The following GALNT17 variants were observed in gnomAD, a reference collection of about 807,000 sequenced individuals.
GALNT17 encodes UDP-GalNAc:polypeptide N-acetylgalactosaminyltransferase-like 3.
A neutral mutation model predicts 63.7 loss-of-function variants in GALNT17; 29 were observed. The ratio of observed to expected loss-of-function variants is 0.46; its 90% CI spans 0.34 to 0.62. The LOEUF is 0.62. Ranked by LOEUF, GALNT17 falls within the 20% of genes least tolerant of loss-of-function variation. The pLI, the probability that GALNT17 is intolerant of heterozygous loss-of-function variation, is 0.01. For missense variants in GALNT17, 603 were observed against 799.6 expected, an observed-to-expected ratio of 0.75 and a Z score of 2.97; for synonymous variants, 305 against 318.3, an observed-to-expected ratio of 0.96 and a Z score of 0.45.
rs527929802 is a variant in GALNT17, at chr7:71,605,584, CAA to C, written c.1080+34196_1080+34197del. On this transcript the variant is annotated intron_variant, in intron 6 of 10. Coordinates refer to ENST00000333538, the MANE Select transcript of GALNT17 (RefSeq NM_022479.3). ...CTGGCGACAGAGTGAGACTCCATCT[CAA>C]AAAAAAAAAAAAAGAAAGGTGAAGA... Among the ~76,000 whole-genome samples, 40 of 93,854 alleles carry C rather than the reference CAA, an allele frequency of 4.3e-4. 1 individual carries two copies. The South Asian group carries it at 6.8e-3, about 16-fold the overall frequency. The allele number at this position is 93,854 out of a possible 152,430, so 61.6% of individuals were successfully genotyped here.
chr7:71,581,181 A>G (rs1297757373), intron 6 of GALNT17, among the ~76,000 whole-genome samples: 2 of 152,120 alleles, frequency 1.3e-5, no homozygotes, highest in South Asian at 2.1e-4. Flanking sequence ...TGATTGAGAC[A>G]TAGTCTCTCG....
At chr7:71,583,356 A>T in intron 6 of GALNT17, among the ~76,000 whole-genome samples, 1 of 152,180 alleles carries the variant, frequency 6.6e-6, no homozygotes, top group Middle Eastern at 3.2e-3. Flanking sequence ...GGCCTCCCGA[A>T]GTGCTAGGAT....
At chr7:71,165,979 A>C (rs1182515011) in intron 1 of GALNT17, among the ~76,000 whole-genome samples, 1 of 151,196 alleles carries the variant, frequency 6.6e-6, no homozygotes, top group Admixed American at 6.6e-5. Flanking sequence ...AACTCTCTTC[A>C]CCTCTTGTTT....
At chr7:71,165,353 G>C (rs1363308191) in intron 1 of GALNT17, among the ~76,000 whole-genome samples, 1 of 152,126 alleles carries the variant, frequency 6.6e-6, no homozygotes, top group Non-Finnish European at 1.5e-5. Context: ...GTCATACCTG[G>C]GACTGGGTAA....
intron 5 of GALNT17, among the ~76,000 whole-genome samples, chr7:71,463,352 A>G (rs1787482539): frequency 6.6e-6 from 1 of 152,210 alleles, no homozygotes; most frequent in Admixed American, 6.5e-5. Flanking sequence ...TCCTATCTGC[A>G]CATGGGCAGT....
chr7:71,621,407 A>G (rs1262052143), intron 6 of GALNT17, among the ~76,000 whole-genome samples: 1 of 152,158 alleles, frequency 6.6e-6, no homozygotes, highest in Non-Finnish European at 1.5e-5. Context: ...GGTGCCCGGT[A>G]TGACACTTAA....
rs140589048 is a variant in GALNT17, at chr7:71,491,953, C to T, written c.962+70848C>T. 2.7e-3 allele frequency among the ~76,000 whole-genome samples: 409 copies of T among 152,122 alleles called. 3 individuals carry two copies. The highest frequency in any genetic ancestry group is 9.6e-3 in the African/African-American group (400 of 41,524). On this transcript the variant is annotated intron_variant, in intron 5 of 10. Coordinates refer to ENST00000333538, the MANE Select transcript of GALNT17 (RefSeq NM_022479.3). ...GGAGGATCGCTTGAGCCCAGGAATT[C>T]AAGACCAGCCTGGGTAACATGGCGA... is the stretch of plus-strand genomic sequence containing the variant.
intron 1 of GALNT17, among the ~76,000 whole-genome samples, chr7:71,154,262 G>A (rs1356216169): frequency 6.6e-6 from 1 of 152,076 alleles, no homozygotes; most frequent in Non-Finnish European, 1.5e-5. Flanking sequence ...TGGCTGTTCC[G>A]GCTTCCAGCT....
intron 6 of GALNT17, among the ~76,000 whole-genome samples, chr7:71,655,706 T>C (rs1039586453): frequency 6.6e-6 from 1 of 152,178 alleles, no homozygotes; most frequent in South Asian, 2.1e-4. Context: ...CTATCTCAGC[T>C]CTTGCTAGAG....
intron 1 of GALNT17, among the ~76,000 whole-genome samples, chr7:71,329,812 A>G (rs1410616493): frequency 6.6e-6 from 1 of 151,978 alleles, no homozygotes; most frequent in Non-Finnish European, 1.5e-5. Context: ...TTATAATTCA[A>G]TATGAGATTT....
intron 5 of GALNT17, among the ~76,000 whole-genome samples, chr7:71,567,446 A>G (rs1367520870): frequency 6.6e-6 from 1 of 152,134 alleles, no homozygotes; most frequent in East Asian, 1.9e-4. Flanking sequence ...CCACACAACA[A>G]TACCCTGTAG....
Position 71,625,288 on chromosome 7 carries a change from A to G in GALNT17, c.1081-40123A>G, listed in dbSNP as rs111549899. 2.1e-4 allele frequency among the ~76,000 whole-genome samples: 32 copies of G among 152,174 alleles called. 1 individual carries two copies. In the South Asian group the frequency reaches 6.6e-3, roughly 32 times the overall value. On this transcript the variant is annotated intron_variant, in intron 6 of 10. Transcript: ENST00000333538. ...GCCTCCCGAGTAGCTGGAATTACAG[A>G]TGTGTGCCACCACACCTGGCCAATT... is the stretch of plus-strand genomic sequence containing the variant.
At chr7:71,390,106 G>C (rs1449941679) in intron 3 of GALNT17, among the ~76,000 whole-genome samples, 1 of 152,172 alleles carries the variant, frequency 6.6e-6, no homozygotes, top group Non-Finnish European at 1.5e-5. Context: ...GTGAGTGCCT[G>C]AAGGCCAAGA....
At chr7:71,482,081 A>ATATGTGTGTGTGTGTGTGTGTGTGTGTG (rs1554379988) in intron 5 of GALNT17, among the ~76,000 whole-genome samples, 7 of 138,258 alleles carry the variant, frequency 5.1e-5, no homozygotes, top group Non-Finnish European at 9.1e-5. Context: ...ATATATGTAT[A>ATATGTGTGTGTGTGTGTGTGTGTGTGTG]TGTGTGTGTG....
chr7:71,605,821 A>T (rs1790038109), intron 6 of GALNT17, among the ~76,000 whole-genome samples: 1 of 152,208 alleles, frequency 6.6e-6, no homozygotes, highest in South Asian at 2.1e-4. Context: ...GGCTTGATCT[A>T]GCCCTAACCC....
chr7:71,569,889 G>A (rs556101048), intron 5 of GALNT17, among the ~76,000 whole-genome samples: 11 of 152,282 alleles, frequency 7.2e-5, no homozygotes, highest in Admixed American at 3.9e-4. Context: ...CCTTTGGGTA[G>A]ATACCCATTA....
At chr7:71,384,005 AC>A (rs1228905857) in intron 2 of GALNT17, among the ~76,000 whole-genome samples, 1 of 151,994 alleles carries the variant, frequency 6.6e-6, no homozygotes, top group African/African-American at 2.4e-5. Context: ...TTAACGGACC[AC>A]CCACCATACT....
In GALNT17 at chr7:71,668,342, C is replaced by T. The variant is rs536925740; in HGVS notation, c.1267-1630C>T. ...GACCAGCCTGACCAACATGGAGAAA[C>T]CCTGTCTCCACTAAAAATGCAAAAT... On this transcript the variant is annotated intron_variant, in intron 7 of 10. Coordinates refer to ENST00000333538, the MANE Select transcript of GALNT17 (RefSeq NM_022479.3). Among the ~76,000 whole-genome samples the T allele has an allele frequency of 4.0e-5, 6 of 151,752 alleles. No individual in the cohort carries two copies. The South Asian group carries it at 1.2e-3, about 32-fold the overall frequency.
intron 1 of GALNT17, among the ~76,000 whole-genome samples, chr7:71,225,376 A>G (rs1789662484): frequency 6.6e-6 from 1 of 152,218 alleles, no homozygotes; most frequent in Non-Finnish European, 1.5e-5. Context: ...TTTGAAGCAA[A>G]CACATCTTAT....
Sources: allele counts gnomAD v4.1 joint callset (sites outside exome capture counted in the v4.1 genomes callset), GRCh38; gene constraint gnomAD v4.1.1; transcripts MANE v1.5; gene names NCBI Gene and HGNC (gene_info 2026-07-23, HGNC 2026-07-21).